The following ENTREP2 variants were observed in gnomAD, a reference collection of about 807,000 sequenced individuals.
ENTREP2 encodes the protein endosomal transmembrane epsin interactor 2.
At chr15:29,299,367 C>T in the ENTREP2 span, among the ~76,000 whole-genome samples, 2 of 152,182 alleles carry the variant, frequency 1.3e-5, no homozygotes, top group Non-Finnish European at 2.9e-5. Context: ...GCTGGAAAGA[C>T]GCAGTGGTGG....
At chr15:29,148,089 G>GAAT in the ENTREP2 span, among the ~76,000 whole-genome samples, 69 of 152,296 alleles carry the variant, frequency 4.5e-4, no homozygotes, top group Non-Finnish European at 8.2e-4. Context: ...ATGCAGAACA[G>GAAT]GCAAATCCAT....
At chr15:29,574,867 T>C in the ENTREP2 span, among the ~76,000 whole-genome samples, 1 of 152,144 alleles carries the variant, frequency 6.6e-6, no homozygotes, top group Non-Finnish European at 1.5e-5. Context: ...GGGGAGAAAC[T>C]CTACTTCTAG....
the ENTREP2 span, among the ~76,000 whole-genome samples, chr15:29,169,249 T>C: frequency 6.6e-6 from 1 of 152,220 alleles, no homozygotes; most frequent in South Asian, 2.1e-4. Flanking sequence ...AAACACCATT[T>C]TTAAATATTT....
At chr15:29,557,132 C>T in the ENTREP2 span, among the ~76,000 whole-genome samples, 53,017 of 152,042 alleles carry the variant, frequency 0.35, 9,291 homozygotes, top group East Asian at 0.48. Flanking sequence ...TCTAGAACAG[C>T]CCCTCACCAG....
At chr15:29,353,669 T>C in the ENTREP2 span, among the ~76,000 whole-genome samples, 1 of 152,182 alleles carries the variant, frequency 6.6e-6, no homozygotes, top group African/African-American at 2.4e-5. Flanking sequence ...ATTCACTGGT[T>C]CTCATTTGCC....
chr15:29,119,640 AAATAAAAT>A, the ENTREP2 span, among the ~76,000 whole-genome samples: 506 of 6,254 alleles, frequency 0.081, 85 homozygotes, highest in African/African-American at 0.1. Flanking sequence ...AAATAAAATA[AAATAAAAT>A]AATAAAATAA....
At chr15:29,625,228 A>G in the ENTREP2 span, among the ~76,000 whole-genome samples, 1 of 152,076 alleles carries the variant, frequency 6.6e-6, no homozygotes, top group African/African-American at 2.4e-5. Flanking sequence ...GCTGAGTAAT[A>G]TTTTCTTTTA....
the ENTREP2 span, among the ~76,000 whole-genome samples, chr15:29,186,025 T>C: frequency 5.9e-5 from 9 of 152,174 alleles, no homozygotes; most frequent in African/African-American, 1.9e-4. Context: ...TCTGCAGCAC[T>C]TTCTCCAGTC....
At chr15:29,244,539 T>C in the ENTREP2 span, among the ~76,000 whole-genome samples, 1 of 152,248 alleles carries the variant, frequency 6.6e-6, no homozygotes. Context: ...TCTCGGACAC[T>C]GCAGCGTTGA....
chr15:29,491,872 T>C, the ENTREP2 span, among the ~76,000 whole-genome samples: 1 of 152,204 alleles, frequency 6.6e-6, no homozygotes, highest in Non-Finnish European at 1.5e-5. Flanking sequence ...ACCCTTCTGA[T>C]TGACACTATA....
chr15:29,639,292 C>A, the ENTREP2 span, among the ~76,000 whole-genome samples: 1 of 152,162 alleles, frequency 6.6e-6, no homozygotes, highest in South Asian at 2.1e-4. Flanking sequence ...ATCTGAAAGT[C>A]TCTCTGTTAC....
the ENTREP2 span, among the ~76,000 whole-genome samples, chr15:29,340,450 G>A: frequency 6.6e-6 from 1 of 152,144 alleles, no homozygotes; most frequent in Admixed American, 6.5e-5. Flanking sequence ...GCAGGGCAGG[G>A]ATGAACAGAG....
At chr15:29,317,142 G>A in the ENTREP2 span, among the ~76,000 whole-genome samples, 46 of 152,226 alleles carry the variant, frequency 3.0e-4, 1 homozygote, top group South Asian at 9.5e-3. Flanking sequence ...TACTAGAATA[G>A]AACTAAATTT....
At chr15:29,257,582 T>C in the ENTREP2 span, among the ~76,000 whole-genome samples, 7 of 152,340 alleles carry the variant, frequency 4.6e-5, no homozygotes, top group African/African-American at 1.4e-4. Flanking sequence ...CATTACCACA[T>C]TCCTCATCAT....
the ENTREP2 span, among the ~76,000 whole-genome samples, chr15:29,611,627 C>A: frequency 6.6e-6 from 1 of 152,074 alleles, no homozygotes; most frequent in Admixed American, 6.6e-5. Flanking sequence ...TCCCAGCATG[C>A]TGGCTCCTCT....
At chr15:29,171,930 A>G in the ENTREP2 span, among the ~76,000 whole-genome samples, 12,710 of 152,272 alleles carry the variant, frequency 0.083, 1,558 homozygotes, top group African/African-American at 0.27. Flanking sequence ...CAATACTGAC[A>G]GAGGTGTCCA....
chr15:29,121,850 C>T, the ENTREP2 span: 2 of 152,394 alleles, frequency 1.3e-5, no homozygotes, highest in Non-Finnish European at 2.9e-5. Context: ...AGGCTCTGGG[C>T]ACCTGGATTG....
At chr15:29,302,267 A>T in the ENTREP2 span, among the ~76,000 whole-genome samples, 18 of 152,334 alleles carry the variant, frequency 1.2e-4, no homozygotes, top group Middle Eastern at 3.4e-3. Context: ...CCAAGATTTT[A>T]AAAAAATTCC....
chr15:29,430,112 A>G, the ENTREP2 span, among the ~76,000 whole-genome samples: 4 of 152,180 alleles, frequency 2.6e-5, no homozygotes, highest in South Asian at 2.1e-4. Flanking sequence ...CGGAAACAAG[A>G]AAGTGGGAAG....
Sources: gnomAD v4.1 joint callset for allele counts (sites outside exome capture counted in the v4.1 genomes callset) on GRCh38, gnomAD v4.1.1 for gene constraint, MANE v1.5 for transcripts, NCBI Gene and HGNC (gene_info 2026-07-23, HGNC 2026-07-21) for gene names.